Variants in WDR93 observed in about 807,000 individuals in gnomAD.
WDR93 encodes WD repeat domain 93, also known as WD repeat-containing protein 93.
WDR93 carries 73 observed loss-of-function variants against 82.9 expected under a neutral mutation model. That is an observed-to-expected ratio of 0.88 (90% CI 0.73 to 1.07). The LOEUF is 1.07. Among genes scored for constraint, WDR93 ranks in the 50% least tolerant of loss-of-function variants. The pLI is 0.00. For synonymous variants in WDR93, 283 were observed against 300.1 expected, an observed-to-expected ratio of 0.94 and a Z score of 0.59; for missense variants, 738 against 826.0, an observed-to-expected ratio of 0.89 and a Z score of 1.31.
intron 4 of WDR93, 104 bp from the exon 5 acceptor site, chr15:89,711,922 G>A (rs912710298): frequency 4.0e-6 from 3 of 748,532 alleles, no homozygotes; most frequent in African/African-American, 3.6e-5. Context: ...ATGTCCCAAG[G>A]TTTAAAAGGA....
At chr15:89,725,940 T>C (rs1010713941) in intron 8 of WDR93, among the ~76,000 whole-genome samples, 5 of 152,232 alleles carry the variant, frequency 3.3e-5, no homozygotes, top group Non-Finnish European at 7.3e-5. Context: ...TTAAGGTATA[T>C]ATTTTATGCT....
chr15:89,735,699 G>C, intron 14 of WDR93, 146 bp downstream of exon 14: 1 of 774,160 alleles, frequency 1.3e-6, no homozygotes, highest in South Asian at 1.7e-5. Context: ...AATAGAAAGA[G>C]AAAGAACCTG....
chr15:89,696,995 G>A (rs576778998), intron 1 of WDR93, among the ~76,000 whole-genome samples: 1 of 151,982 alleles, frequency 6.6e-6, no homozygotes, highest in East Asian at 1.9e-4. Context: ...TAGAGACAAA[G>A]TCTCACTCTG....
chr15:89,720,803 C>A (rs182629909), intron 7 of WDR93, among the ~76,000 whole-genome samples: 10 of 152,218 alleles, frequency 6.6e-5, no homozygotes, highest in Admixed American at 2.6e-4. Context: ...GTTTGAAGAC[C>A]AATAAAGCTG....
chr15:89,720,083 G>C (rs1277775824), intron 7 of WDR93, among the ~76,000 whole-genome samples: 1 of 152,036 alleles, frequency 6.6e-6, no homozygotes, highest in African/African-American at 2.4e-5. Context: ...ATAGGCCTGA[G>C]CACTGGGCCC....
Position 89,737,659 on chromosome 15 carries a change from C to G in WDR93, c.1695C>G (p.Ala565=). 1 of 1,614,212 alleles carries G rather than the reference C, an allele frequency of 6.2e-7. No individual in the cohort carries two copies. Among genetic ancestry groups the G allele is most frequent in the Non-Finnish European group, 8.5e-7 (1 of 1,180,044 alleles). Residue 565 remains alanine (A), a synonymous_variant, in exon 15 of 17, where the codon GCC becomes GCG. Transcript: ENST00000268130. ...TCTGTGCCTTTGCCCCTCCGGGAGC[C>G]TTTCCTCTGGAGGTCCCCTGGAAGC... ...EIICAFAPPG[A]FPLEVPWKPV...
rs1965263252 is a variant in WDR93 at position 89,697,906 on chromosome 15, GTCTC to G, written c.-40-3795_-40-3792del. On this transcript the variant is annotated intron_variant, in intron 1 of 16. Transcript: ENST00000268130. Reference sequence around the variant, plus strand: ...TTTTTTTTTTTTTTTTTGAGACGGAGTCTCTCTCTGTCGCCCAGGCTGGAGTGCA... The same window carrying G: ...TTTTTTTTTTTTTTTTTGAGACGGAGTCTCTGTCGCCCAGGCTGGAGTGCA... 2.1e-5 allele frequency among the ~76,000 whole-genome samples: 3 copies of G among 143,622 alleles called. No homozygotes were observed. In the Admixed American group the frequency reaches 2.1e-4, roughly 10 times the overall value. 94.2% of individuals were successfully genotyped at this position (143,622 alleles called of 152,430 possible).
intron 4 of WDR93, among the ~76,000 whole-genome samples, chr15:89,709,971 T>C (rs375293273): frequency 2.6e-5 from 4 of 152,042 alleles, no homozygotes; most frequent in South Asian, 4.2e-4. Flanking sequence ...CCATCCTGGC[T>C]AACACGGTGA....
At chr15:89,717,977 G>A (rs1432592668) in intron 7 of WDR93, among the ~76,000 whole-genome samples, 14 of 152,158 alleles carry the variant, frequency 9.2e-5, no homozygotes, top group Admixed American at 1.3e-4. Context: ...GGACTCAGGC[G>A]TGTCAGTAGA....
rs990547864 is a variant in WDR93 at position 89,703,077 on chromosome 15, A to C, written c.431A>C (p.Asp144Ala). The C allele has an allele frequency of 1.4e-5, 22 of 1,614,060 alleles. 1 individual carries two copies. The East Asian group carries it at 4.9e-4, about 36-fold the overall frequency. ...TATGCGTGGGAGAAGCTTAAGGTTG[A>C]TGTCACTTCCATCTGGGCCACAGAT... ...QIYAWEKLKV[D>A]VTSIWATDLG... The change falls in exon 3 of 17, where the codon GAT becomes GCT. Residue 144 changes from aspartate to alanine, a missense_variant. Transcript: ENST00000268130.
upstream of WDR93, chr15:89,690,763 AG>A (rs1486014299): frequency 5.0e-6 from 3 of 594,484 alleles, no homozygotes; most frequent in African/African-American, 3.9e-5. Context: ...TCCGCCCCAG[AG>A]GGGGCGGGCA....
intron 9 of WDR93, among the ~76,000 whole-genome samples, chr15:89,728,057 G>A (rs1966807823): frequency 1.3e-5 from 2 of 151,958 alleles, no homozygotes; most frequent in African/African-American, 4.8e-5. Flanking sequence ...CTGTAGCTTG[G>A]ACAGAGATAG....
At position 89,743,506 on chromosome 15, in the gene WDR93, C is replaced by CG; in HGVS notation, c.*117dup. On this transcript the variant is annotated 3_prime_UTR_variant, in exon 17 of 17. Coordinates refer to ENST00000268130, the MANE Select transcript of WDR93 (RefSeq NM_020212.2). ...AGCCACAGCTCCACAGGCCTGCACT[C>CG]GGAGTCTGGGGCCTCTGCAGAGCCA... is the stretch of plus-strand genomic sequence containing the variant. The CG allele has an allele frequency of 1.0e-6, 1 of 984,304 alleles. No homozygotes were observed. 61.0% of individuals were successfully genotyped at this position (984,304 alleles called of 1,614,324 possible).
chr15:89,736,919 G>A lies in WDR93; in HGVS notation c.1609-654G>A, dbSNP rs186757878. Among the ~76,000 whole-genome samples, 717 of 152,010 alleles carry A rather than the reference G, an allele frequency of 4.7e-3. 3 individuals are homozygous for A. The highest frequency in any genetic ancestry group is 0.016 in the African/African-American group (677 of 41,440). On this transcript the variant is annotated intron_variant, in intron 14 of 16. Coordinates refer to ENST00000268130, the MANE Select transcript of WDR93 (RefSeq NM_020212.2). ...CCATTCTCCTGCCTCAGCCTCCCGA[G>A]TAGCTGGGACTACAGGTGCCCGCTA...
intron 13 of WDR93, 26 bp from the exon 14 acceptor site, chr15:89,735,464 A>G (rs1967089208): frequency 1.2e-6 from 2 of 1,611,324 alleles, no homozygotes; most frequent in East Asian, 4.5e-5. Context: ...AAGTAGGAGA[A>G]TGTCTGTATA....
chr15:89,702,488 C>T (rs953960871), intron 2 of WDR93, among the ~76,000 whole-genome samples: 1 of 151,868 alleles, frequency 6.6e-6, no homozygotes, highest in African/African-American at 2.4e-5. Context: ...CTATGAATTT[C>T]TTGATGCTTA....
chr15:89,739,557 C>T (rs545735793), intron 16 of WDR93, among the ~76,000 whole-genome samples: 21 of 152,330 alleles, frequency 1.4e-4, no homozygotes, highest in African/African-American at 4.6e-4. Flanking sequence ...AAATAGGTGT[C>T]TCTTCTAATC....
chr15:89,725,613 G>C (rs766062527), intron 8 of WDR93, among the ~76,000 whole-genome samples: 21 of 147,206 alleles, frequency 1.4e-4, no homozygotes, highest in Non-Finnish European at 2.7e-4. Context: ...CTGTCGCCCA[G>C]GCTGGAGTGC....
intron 4 of WDR93, among the ~76,000 whole-genome samples, chr15:89,710,176 C>A (rs562963906): frequency 1.9e-4 from 29 of 152,008 alleles, no homozygotes; most frequent in African/African-American, 6.5e-4. Context: ...AAAACAAAAA[C>A]GAAAACAAAA....
Sources: gnomAD v4.1 joint callset for allele counts (sites outside exome capture counted in the v4.1 genomes callset) on GRCh38, gnomAD v4.1.1 for gene constraint, MANE v1.5 for transcripts, NCBI Gene and HGNC (gene_info 2026-07-23, HGNC 2026-07-21) for gene names.